TTC38: variants seen among roughly 807,000 people sequenced by gnomAD.
TTC38 encodes the protein tetratricopeptide repeat domain 38.
Under a neutral mutation model 64.2 loss-of-function variants are expected in TTC38, and 64 were observed. The observed-to-expected ratio is 1.00, with a 90% CI of 0.81 to 1.23. The LOEUF is 1.23. Ranked by LOEUF, TTC38 falls within the 50% of genes most tolerant of loss-of-function variation. The pLI is 0.00. For missense variants in TTC38, 573 were observed against 615.5 expected (o/e 0.93, Z 0.73); for synonymous variants, 254 against 249.3 (o/e 1.02, Z -0.18).
At position 46,289,575 on chromosome 22, in the gene TTC38, C is replaced by G. The variant is rs536303539; in HGVS notation, c.1242+14C>G. 1.3e-6 allele frequency: 2 copies of G among 1,564,344 alleles called. No homozygotes were observed. Among genetic ancestry groups the G allele is most frequent in the Non-Finnish European group, 1.7e-6 (2 of 1,156,038 alleles). ...AGCAATGCCCAGGTGAGCCGATGGC[C>G]GCCAGCTGGGGTGCCTAGGGCCTGG... On this transcript the variant is annotated intron_variant, in intron 12 of 13. Transcript: ENST00000381031.
intron 2 of TTC38, 183 bp downstream of exon 2, chr22:46,268,774 T>C: frequency 3.4e-6 from 2 of 583,450 alleles, no homozygotes; most frequent in South Asian, 3.9e-5. Flanking sequence ...AAGCTTTGCC[T>C]CCCGGGTTCA....
intron 9 of TTC38, among the ~76,000 whole-genome samples, chr22:46,285,847 T>C (rs2077567751): frequency 6.6e-6 from 1 of 151,598 alleles, no homozygotes; most frequent in Non-Finnish European, 1.5e-5. Flanking sequence ...ACGCTGTCTC[T>C]ACTAAAAATA....
chr22:46,269,302 C>T (rs1182858770), intron 2 of TTC38: 1 of 247,536 alleles, frequency 4.0e-6, no homozygotes, highest in African/African-American at 2.4e-5. Flanking sequence ...GAGTATACTG[C>T]CTTCACCTAG....
Position 46,291,287 on chromosome 22 carries a change from A to G in TTC38, c.1316+1388A>G, listed in dbSNP as rs1019461768. ...TGCCTCTGGCAGCAGCGGTGGGGAA[A>G]GTGGCTGTGTGGACAGGAGGGCTGA... On this transcript the variant is annotated intron_variant, in intron 13 of 13. Transcript: ENST00000381031. The surrounding 1 kb of genome is among the most constrained non-coding windows in gnomAD (Gnocchi z 4.6). 1.3e-5 allele frequency among the ~76,000 whole-genome samples: 2 copies of G among 152,080 alleles called. No individual in the cohort carries two copies. Among genetic ancestry groups the G allele is most frequent in the African/African-American group, 4.8e-5 (2 of 41,410 alleles).
Position 46,275,310 on chromosome 22 carries a change from T to C in TTC38, c.428T>C (p.Leu143Ser). ...QILQDHPTDM[L>S]ALKFSHDAYF... Reference sequence around the variant, plus strand: ...CTCCAGGACCACCCGACAGACATGTTGGCCCTGAAATTTTCCCATGATGCT... The same window carrying C: ...CTCCAGGACCACCCGACAGACATGTCGGCCCTGAAATTTTCCCATGATGCT... The change falls in exon 5 of 14, where the codon TTG becomes TCG. Residue 143 changes from leucine (L) to serine (S), a missense_variant. Physicochemically the swap from Leu to Ser is moderately radical, Grantham distance 145 (BLOSUM62 -2). This residue lies in a region of TTC38 where 68 missense variants were observed against 107.3 expected (regional missense o/e 0.63). Coordinates refer to ENST00000381031, the MANE Select transcript of TTC38 (RefSeq NM_017931.4). This position sits in a 1 kb window ranked among gnomAD's most constrained non-coding sequence, Gnocchi z 4.5. 1 of 1,614,148 alleles carries C rather than the reference T, an allele frequency of 6.2e-7. No individual in the cohort carries two copies. Among genetic ancestry groups the C allele is most frequent in the South Asian group, 1.1e-5 (1 of 91,076 alleles).
At chr22:46,290,597 G>A (rs2077608193) in intron 13 of TTC38, among the ~76,000 whole-genome samples, 2 of 148,074 alleles carry the variant, frequency 1.4e-5, no homozygotes, top group African/African-American at 5.2e-5. Context: ...AGGGTGGCGT[G>A]GCTGGAGGGT....
rs1213241732 is a variant in TTC38, at chr22:46,271,856, A to T, written c.112-479A>T. 6.6e-6 allele frequency among the ~76,000 whole-genome samples: 1 copy of T among 152,160 alleles called. No individual in the cohort carries two copies. Among genetic ancestry groups the T allele is most frequent in the Non-Finnish European group, 1.5e-5 (1 of 68,022 alleles). On this transcript the variant is annotated intron_variant, in intron 2 of 13. Coordinates refer to ENST00000381031, the MANE Select transcript of TTC38 (RefSeq NM_017931.4). This position sits in a 1 kb window ranked among gnomAD's most constrained non-coding sequence, Gnocchi z 5.5. ...TCTTTTTTGGAAATGCAGCATCCCTAGCCCTAGAAAGTGTGCCTTGGGTGA... is the reference window on the plus strand; with the variant it reads ...TCTTTTTTGGAAATGCAGCATCCCTTGCCCTAGAAAGTGTGCCTTGGGTGA...
At chr22:46,285,548 C>T (rs1188848757) in intron 9 of TTC38, among the ~76,000 whole-genome samples, 1 of 152,064 alleles carries the variant, frequency 6.6e-6, no homozygotes, top group Non-Finnish European at 1.5e-5. Flanking sequence ...ATTGTGGACT[C>T]TCCTCCAGCC....
chr22:46,286,149 C>T (rs2077569979), intron 9 of TTC38, among the ~76,000 whole-genome samples: 1 of 152,010 alleles, frequency 6.6e-6, no homozygotes, highest in Admixed American at 6.6e-5. Context: ...CACTAACTCC[C>T]CATTCCTCCT....
chr22:46,280,255 G>A (rs1172460827), intron 6 of TTC38: 1 of 466,270 alleles, frequency 2.1e-6, no homozygotes, highest in East Asian at 7.0e-5. Context: ...AGAGCTTGGG[G>A]ACCTGGAGCT....
At chr22:46,285,156 C>T (rs1195098099) in intron 8 of TTC38, 85 bp from the exon 9 acceptor site, 5 of 1,260,186 alleles carry the variant, frequency 4.0e-6, no homozygotes, top group Non-Finnish European at 5.8e-6. Flanking sequence ...GCTCAGGGGT[C>T]TTTGGCCTGG....
At position 46,273,813 on chromosome 22, in the gene TTC38, G is replaced by A; in HGVS notation, c.194-85G>A. ...TGGCTGGCCCCTCCTGGGACGTGGGGTGTCTCTGTGACATGTGGAGTCTGG... is the reference window on the plus strand; with the variant it reads ...TGGCTGGCCCCTCCTGGGACGTGGGATGTCTCTGTGACATGTGGAGTCTGG... On this transcript the variant is annotated intron_variant, in intron 3 of 13. Transcript: ENST00000381031. This position sits in a 1 kb window ranked among gnomAD's most constrained non-coding sequence, Gnocchi z 5.1. The A allele has an allele frequency of 7.0e-7, 1 of 1,419,968 alleles. No homozygotes were observed. The highest frequency in any genetic ancestry group is 9.8e-7 in the Non-Finnish European group (1 of 1,024,418). 88.0% of individuals were successfully genotyped at this position (1,419,968 alleles called of 1,614,324 possible). A position where few individuals can be genotyped will look rare whatever the true frequency, so the allele number is the denominator to read the frequency against.
intron 13 of TTC38, among the ~76,000 whole-genome samples, chr22:46,290,563 T>C (rs112038961): frequency 0.056 from 6,812 of 121,024 alleles, 230 homozygotes; most frequent in Non-Finnish European, 0.075. Context: ...AGGAGGGTGG[T>C]GTGGCTGGAG....
rs930404966 is a variant in TTC38, at chr22:46,271,206, G to A, written c.112-1129G>A. ...GAAGCCGATGTGGAGCAGGTCACCT[G>A]TCAGGAGGAACCTGCCTTTTCTTTC... On this transcript the variant is annotated intron_variant, in intron 2 of 13. Coordinates refer to ENST00000381031, the MANE Select transcript of TTC38 (RefSeq NM_017931.4). This position sits in a 1 kb window ranked among gnomAD's most constrained non-coding sequence, Gnocchi z 5.5. 6.6e-6 allele frequency among the ~76,000 whole-genome samples: 1 copy of A among 152,176 alleles called. No individual in the cohort carries two copies. The highest frequency in any genetic ancestry group is 1.5e-5 in the Non-Finnish European group (1 of 68,028).
chr22:46,280,208 G>A (rs1404481419), intron 6 of TTC38: 3 of 470,956 alleles, frequency 6.4e-6, no homozygotes, highest in Non-Finnish European at 1.3e-5. Flanking sequence ...AGGAGCCAGG[G>A]CAGGAGCAGG....
rs959842920 is a variant in TTC38 at position 46,292,345 on chromosome 22, A to C, written c.1317-446A>C. ...ATTACAGGGGTGAGCCACCACACCT[A>C]TCTCTTCTTATAAGGGCACTAATCC... On this transcript the variant is annotated intron_variant, in intron 13 of 13. Transcript: ENST00000381031. The surrounding 1 kb of genome is among the most constrained non-coding windows in gnomAD (Gnocchi z 6.5). 1 of 340,930 alleles carries C rather than the reference A, an allele frequency of 2.9e-6. No homozygotes were observed. Among genetic ancestry groups the C allele is most frequent in the African/African-American group, 2.1e-5 (1 of 46,646 alleles). 21.1% of individuals were successfully genotyped at this position (340,930 alleles called of 1,614,324 possible).
At chr22:46,280,406 A>G (rs1366652600) in intron 6 of TTC38, among the ~76,000 whole-genome samples, 2 of 152,214 alleles carry the variant, frequency 1.3e-5, no homozygotes, top group Non-Finnish European at 2.9e-5. Flanking sequence ...ACTCCTTCCC[A>G]CGGAACCATG....
In TTC38 at chr22:46,270,859, G is replaced by A. The variant is rs530468237; in HGVS notation, c.112-1476G>A. ...AAAAAAGAAAAAAAAAAAATTAGCC[G>A]GGCGCAGTGGTGCACACCTGTAATC... On this transcript the variant is annotated intron_variant, in intron 2 of 13. Coordinates refer to ENST00000381031, the MANE Select transcript of TTC38 (RefSeq NM_017931.4). This position sits in a 1 kb window ranked among gnomAD's most constrained non-coding sequence, Gnocchi z 4.7. Among the ~76,000 whole-genome samples, 9 of 151,632 alleles carry A rather than the reference G, an allele frequency of 5.9e-5. No homozygotes were observed. Among genetic ancestry groups the A allele is most frequent in the Middle Eastern group, 3.4e-3 (1 of 294 alleles).
chr22:46,288,251 A>G (rs1437274935), intron 10 of TTC38, among the ~76,000 whole-genome samples, 172 bp from the exon 11 acceptor site: 6 of 152,170 alleles, frequency 3.9e-5, no homozygotes. Context: ...CAGTCCTGAT[A>G]GAGGCCTAAG....
Sources: gnomAD v4.1 joint callset for allele counts (sites outside exome capture counted in the v4.1 genomes callset) on GRCh38, gnomAD v4.1.1 for gene constraint, gnomAD v4.1.1 regional missense constraint, Gnocchi (gnomAD v3.1) non-coding constraint, MANE v1.5 for transcripts, NCBI Gene and HGNC (gene_info 2026-07-23, HGNC 2026-07-21) for gene names.